The following DISC1 variants were observed in gnomAD, a reference collection of about 807,000 sequenced individuals.
The protein encoded by DISC1 is disrupted in schizophrenia 1 protein.
DISC1 carries 57 observed loss-of-function variants against 84.5 expected under a neutral mutation model. That is an observed-to-expected ratio of 0.67 (90% CI 0.55 to 0.84). The LOEUF is 0.84. Among genes scored for constraint, DISC1 ranks in the 40% least tolerant of loss-of-function variants. The probability of loss-of-function intolerance (pLI) is 0.00; values close to 1 mark genes in which losing one functional copy is unlikely to be tolerated. For missense variants in DISC1, 1,000 were observed against 1,057.8 expected, an observed-to-expected ratio of 0.95 and a Z score of 0.76; for synonymous variants, 411 against 415.2, an observed-to-expected ratio of 0.99 and a Z score of 0.12.
rs9432049 is a variant in DISC1, at chr1:231,910,318, A to G, written c.1982-48510A>G. Reference sequence around the variant, plus strand: ...CTTTCTCTTGTGGGCATGTAGTGCTATAAATTTCCCTCTACACACTGCTTT... The same window carrying G: ...CTTTCTCTTGTGGGCATGTAGTGCTGTAAATTTCCCTCTACACACTGCTTT... On this transcript the variant is annotated intron_variant, in intron 9 of 12. Transcript: ENST00000439617. Among the ~76,000 whole-genome samples, 1,274 of 152,304 alleles carry G rather than the reference A, an allele frequency of 8.4e-3. 4 individuals carry two copies. Among genetic ancestry groups the G allele is most frequent in the Non-Finnish European group, 0.014 (935 of 68,038 alleles).
chr1:231,851,256 G>A (rs907369512), intron 9 of DISC1, among the ~76,000 whole-genome samples: 4 of 152,170 alleles, frequency 2.6e-5, no homozygotes, highest in Non-Finnish European at 4.4e-5. Context: ...CAATCCAGTG[G>A]TTATATGGGT....
intron 8 of DISC1, among the ~76,000 whole-genome samples, chr1:231,803,825 G>A (rs1229589385): frequency 2.6e-5 from 4 of 151,954 alleles, no homozygotes; most frequent in African/African-American, 9.7e-5. Context: ...GCGGGCGCCT[G>A]TAGTCCCATC....
At chr1:231,952,631 T>C (rs1658639272) in intron 9 of DISC1, among the ~76,000 whole-genome samples, 1 of 150,242 alleles carries the variant, frequency 6.7e-6, no homozygotes, top group African/African-American at 2.4e-5. Flanking sequence ...TTGTTAATCA[T>C]TTTCTCATTG....
At chr1:231,687,875 A>G (rs2064490543) in intron 1 of DISC1, among the ~76,000 whole-genome samples, 1 of 152,172 alleles carries the variant, frequency 6.6e-6, no homozygotes, top group African/African-American at 2.4e-5. Context: ...TTGTACAACA[A>G]TGTGAATGTA....
At chr1:232,016,957 G>A (rs1453065788) in intron 11 of DISC1, among the ~76,000 whole-genome samples, 1 of 152,128 alleles carries the variant, frequency 6.6e-6, no homozygotes, top group Non-Finnish European at 1.5e-5. Context: ...TTGCCTCTCT[G>A]CTTATTGGCA....
intron 9 of DISC1, among the ~76,000 whole-genome samples, chr1:231,822,467 G>A (rs796994122): frequency 8.5e-5 from 13 of 152,308 alleles, no homozygotes; most frequent in African/African-American, 2.9e-4. Context: ...AGGCAGAGAA[G>A]GGGCAGTTGA....
chr1:231,632,466 G>C (rs952096401), intron 1 of DISC1, among the ~76,000 whole-genome samples: 1 of 152,176 alleles, frequency 6.6e-6, no homozygotes, highest in African/African-American at 2.4e-5. Flanking sequence ...TCAGAGAAAT[G>C]CAAATAAGAC....
At chr1:231,835,834 G>A (rs1475683804) in intron 9 of DISC1, among the ~76,000 whole-genome samples, 1 of 152,190 alleles carries the variant, frequency 6.6e-6, no homozygotes, top group African/African-American at 2.4e-5. Flanking sequence ...ATAATATCAT[G>A]TTGAGATAAC....
rs574239990 is a variant in DISC1 at position 231,790,525 on chromosome 1, C to CTT, written c.1635-4708_1635-4707dup. On this transcript the variant is annotated intron_variant, in intron 6 of 12. Coordinates refer to ENST00000439617, the MANE Select transcript of DISC1 (RefSeq NM_018662.3). ...CGCATCTCTTCTTTTCTTTTCTTTT[C>CTT]TTTTTTTTTTCAAGATACAGTCTCC... 1.4e-3 allele frequency among the ~76,000 whole-genome samples: 207 copies of CTT among 148,410 alleles called. 1 individual carries two copies. The highest frequency in any genetic ancestry group is 4.8e-3 in the African/African-American group (193 of 40,494).
chr1:231,801,098 T>G lies in DISC1; in HGVS notation c.1792+888T>G, dbSNP rs116441575. ...GTATTTTAAGAAGGAATACAATAAT[T>G]GGCAGCTTCTGCTCCTCAGATCATT... On this transcript the variant is annotated intron_variant, in intron 8 of 12. Transcript: ENST00000439617. Among the ~76,000 whole-genome samples the G allele has an allele frequency of 6.9e-3, 1,050 of 152,266 alleles. 12 individuals are homozygous for G. Among genetic ancestry groups the G allele is most frequent in the African/African-American group, 0.024 (984 of 41,546 alleles).
In DISC1 at chr1:231,886,805, T is replaced by TTC. The variant is rs1202924743; in HGVS notation, c.1981+68290_1981+68291dup. 6.5e-3 allele frequency among the ~76,000 whole-genome samples: 944 copies of TTC among 145,392 alleles called. 12 individuals carry two copies. Among genetic ancestry groups the TTC allele is most frequent in the Non-Finnish European group, 9.5e-3 (632 of 66,634 alleles). ...TTTCTTTCTTTCTTTCTTTCTTTCT[T>TTC]TCTTTCTTTCTTTCTTTCTTTCTTT... is the stretch of plus-strand genomic sequence containing the variant. On this transcript the variant is annotated intron_variant, in intron 9 of 12. Coordinates refer to ENST00000439617, the MANE Select transcript of DISC1 (RefSeq NM_018662.3).
chr1:231,723,778 G>T, intron 3 of DISC1: 1 of 985,440 alleles, frequency 1.0e-6, no homozygotes. Context: ...GGAAAGGCAA[G>T]AACCGATGTT....
chr1:231,922,779 C>G (rs947510785), intron 9 of DISC1, among the ~76,000 whole-genome samples: 8 of 152,030 alleles, frequency 5.3e-5, no homozygotes, highest in Non-Finnish European at 1.2e-4. Flanking sequence ...GCCTTTTGAG[C>G]CCAGCTCCCC....
chr1:231,922,757 C>A (rs1436213322), intron 9 of DISC1, among the ~76,000 whole-genome samples: 1 of 152,010 alleles, frequency 6.6e-6, no homozygotes, highest in South Asian at 2.1e-4. Context: ...AGGTGAGATA[C>A]CCTTCCAGCT....
intron 9 of DISC1, among the ~76,000 whole-genome samples, chr1:231,885,814 C>G (rs1038174835): frequency 1.3e-5 from 2 of 152,084 alleles, no homozygotes; most frequent in Non-Finnish European, 2.9e-5. Flanking sequence ...GTGTGGAGCT[C>G]GAGCTAAAAG....
At chr1:231,713,705 T>TATATATATATATATATATAGGAG (rs2068197603) in intron 3 of DISC1, among the ~76,000 whole-genome samples, 1 of 47,860 alleles carries the variant, frequency 2.1e-5, no homozygotes, top group African/African-American at 9.9e-5. Flanking sequence ...ATATAGGAGA[T>TATATATATATATATATATAGGAG]ATATATATAT....
chr1:231,746,113 T>C (rs1221610840), intron 3 of DISC1, among the ~76,000 whole-genome samples: 3 of 152,204 alleles, frequency 2.0e-5, no homozygotes, highest in Non-Finnish European at 4.4e-5. Flanking sequence ...CTGTTTTCTT[T>C]ATAAATTACC....
In DISC1 at chr1:231,675,290, A is replaced by AGG. The variant is rs1285896295; in HGVS notation, c.68-18536_68-18535insGG. Reference sequence around the variant, plus strand: ...GAATGACACATCTTTTTGCTTTGGGATGATTGCTGGGTCCTGGGGTCTCTC... The same window carrying AGG: ...GAATGACACATCTTTTTGCTTTGGGAGGTGATTGCTGGGTCCTGGGGTCTCTC... On this transcript the variant is annotated intron_variant, in intron 1 of 12. Coordinates refer to ENST00000439617, the MANE Select transcript of DISC1 (RefSeq NM_018662.3). This position sits in a 1 kb window ranked among gnomAD's most constrained non-coding sequence, Gnocchi z 4.1. Among the ~76,000 whole-genome samples the AGG allele has an allele frequency of 1.3e-5, 2 of 151,524 alleles. No homozygotes were observed. The highest frequency in any genetic ancestry group is 2.9e-5 in the Non-Finnish European group (2 of 67,894).
chr1:231,733,527 TGTAGTG>T (rs1362935142), intron 3 of DISC1, among the ~76,000 whole-genome samples: 12 of 136,358 alleles, frequency 8.8e-5, no homozygotes, highest in South Asian at 2.3e-4. Flanking sequence ...TGGTGGTAGT[TGTAGTG>T]GTGATGATGG....
Sources: gnomAD v4.1 joint callset for allele counts (sites outside exome capture counted in the v4.1 genomes callset) on GRCh38, gnomAD v4.1.1 for gene constraint, Gnocchi (gnomAD v3.1) non-coding constraint, MANE v1.5 for transcripts, NCBI Gene and HGNC (gene_info 2026-07-23, HGNC 2026-07-21) for gene names.